Variants in KCNA2 observed in about 807,000 individuals in gnomAD.
The protein encoded by KCNA2 is potassium channel, voltage gated shaker related subfamily A, member 2.
KCNA2 carries 11 observed loss-of-function variants against 33.4 expected under a neutral mutation model. That is an observed-to-expected ratio of 0.33 (90% CI 0.21 to 0.55). The LOEUF (loss-of-function observed/expected upper bound fraction) is 0.55, where lower values mean the gene tolerates loss of function less well. KCNA2 is among the 20% of genes least tolerant of loss of function. KCNA2 has a pLI of 0.93. For synonymous variants in KCNA2, 222 were observed against 231.3 expected (o/e 0.96, Z 0.37); for missense variants, 291 against 621.6 (o/e 0.47, Z 5.66).
chr1:110,601,736 C>A lies in KCNA2; in HGVS notation c.*1547G>T. On this transcript the variant is annotated 3_prime_UTR_variant, in exon 3 of 3. Transcript: ENST00000316361. ...TAGGCCTCTTAGACAGCCAACCCACCAAGCAGTGGATTTGCTCCTGAACCT... is the reference window on the plus strand; with the variant it reads ...TAGGCCTCTTAGACAGCCAACCCACAAAGCAGTGGATTTGCTCCTGAACCT... 8.5e-7 allele frequency: 1 copy of A among 1,177,082 alleles called. No individual in the cohort carries two copies. Among genetic ancestry groups the A allele is most frequent in the Non-Finnish European group, 1.0e-6 (1 of 956,058 alleles). The allele number at this position is 1,177,082 out of a possible 1,614,324, so 72.9% of individuals were successfully genotyped here. A position where few individuals can be genotyped will look rare whatever the true frequency, so the allele number is the denominator to read the frequency against.
At position 110,598,537 on chromosome 1, in the gene KCNA2, A is replaced by C. The variant is rs1649199451; in HGVS notation, c.*4746T>G. ...TAATATAGTGAGAGATCCAGGAAGA[A>C]TAGGTAGAACAAGCTAGTCCTGGGC... On this transcript the variant is annotated 3_prime_UTR_variant, in exon 3 of 3. Transcript: ENST00000316361. 1.0e-6 allele frequency: 1 copy of C among 985,260 alleles called. No homozygotes were observed. The highest frequency in any genetic ancestry group is 1.2e-6 in the Non-Finnish European group (1 of 829,946). 61.0% of individuals were successfully genotyped at this position (985,260 alleles called of 1,614,324 possible).
rs1649467128 is a variant in KCNA2 at position 110,603,757 on chromosome 1, G to A, written c.1026C>T (p.Phe342=). Residue 342 remains phenylalanine, a synonymous_variant, in exon 3 of 3, where the codon TTC becomes TTT. Transcript: ENST00000316361. This position sits in a 1 kb window ranked among gnomAD's most constrained non-coding sequence, Gnocchi z 5.7. The stretch of plus-strand genomic sequence containing the variant: ...CCTCTGCAAAATACACAGCACTAGA[G>A]AAAAGGATGACCCCTATGAAGAGAA... ...IFFLFIGVIL[F]SSAVYFAEAD... The A allele has an allele frequency of 8.1e-6, 13 of 1,613,946 alleles. No homozygotes were observed. The highest frequency in any genetic ancestry group is 1.3e-5 in the African/African-American group (1 of 75,034).
chr1:110,627,970 G>A (rs1355452772), intron 1 of KCNA2, among the ~76,000 whole-genome samples: 9 of 152,184 alleles, frequency 5.9e-5, no homozygotes, highest in Non-Finnish European at 1.2e-4. Flanking sequence ...AATGCAATGC[G>A]GGAAACATAT....
rs765136247 is a variant in KCNA2 at position 110,604,829 on chromosome 1, G to C, written c.-47C>G. On this transcript the variant is annotated 5_prime_UTR_variant, in exon 3 of 3. Transcript: ENST00000316361. The surrounding 1 kb of genome is among the most constrained non-coding windows in gnomAD (Gnocchi z 7.6). ...CTCACGCTATGCCTTTCAGCTGCCT[G>C]GTGGCAGGGAGCTCAGGGTGCTGCT... is the stretch of plus-strand genomic sequence containing the variant. 1.2e-5 allele frequency: 18 copies of C among 1,540,722 alleles called. No individual in the cohort carries two copies. Among genetic ancestry groups the C allele is most frequent in the Admixed American group, 1.9e-5 (1 of 53,512 alleles).
upstream of KCNA2, chr1:110,606,767 G>C (rs1210489094): frequency 6.6e-6 from 1 of 152,298 alleles, no homozygotes; most frequent in East Asian, 1.9e-4. Context: ...TGCCGCCCCA[G>C]ATCTCAGCTT....
chr1:110,594,304 TATAC>T lies in KCNA2; in HGVS notation c.*8975_*8978del. ...CTCTCTCTCTCTCTCTATATATATA[TATAC>T]ATATATATATATATGTGTGTGTATA... On this transcript the variant is annotated 3_prime_UTR_variant, in exon 3 of 3. Coordinates refer to ENST00000316361, the MANE Select transcript of KCNA2 (RefSeq NM_004974.4). 2.2e-6 allele frequency: 2 copies of T among 911,830 alleles called. No individual in the cohort carries two copies. The highest frequency in any genetic ancestry group is 2.6e-6 in the Non-Finnish European group (2 of 769,450). 56.5% of individuals were successfully genotyped at this position (911,830 alleles called of 1,614,324 possible).
rs1206868903 is a variant in KCNA2 at position 110,595,056 on chromosome 1, G to C, written c.*8227C>G. 2 of 985,222 alleles carry C rather than the reference G, an allele frequency of 2.0e-6. No homozygotes were observed. The highest frequency in any genetic ancestry group is 1.2e-6 in the Non-Finnish European group (1 of 829,932). 61.0% of individuals were successfully genotyped at this position (985,222 alleles called of 1,614,324 possible). A position where few individuals can be genotyped will look rare whatever the true frequency, so the allele number is the denominator to read the frequency against. On this transcript the variant is annotated 3_prime_UTR_variant, in exon 3 of 3. Coordinates refer to ENST00000316361, the MANE Select transcript of KCNA2 (RefSeq NM_004974.4). ...AGGGAATCATTTTCAAGGAGAAGCA[G>C]GGCTTAGAGGCCTCTCACAGAGACT...
chr1:110,598,751 G>A lies in KCNA2; in HGVS notation c.*4532C>T, dbSNP rs1458337372. On this transcript the variant is annotated 3_prime_UTR_variant, in exon 3 of 3. Coordinates refer to ENST00000316361, the MANE Select transcript of KCNA2 (RefSeq NM_004974.4). ...CAGAAACACAGGTGAGAGGGACAGA[G>A]GCAAGCAGAGAAGAAGGAAGAGAGC... The A allele has an allele frequency of 1.0e-6, 1 of 985,222 alleles. No individual in the cohort carries two copies. Among genetic ancestry groups the A allele is most frequent in the East Asian group, 1.1e-4 (1 of 8,814 alleles). The allele number at this position is 985,222 out of a possible 1,614,324, so 61.0% of individuals were successfully genotyped here. A position where few individuals can be genotyped will look rare whatever the true frequency, so the allele number is the denominator to read the frequency against.
chr1:110,609,202 T>G (rs1195295280), upstream of KCNA2, among the ~76,000 whole-genome samples: 1 of 152,208 alleles, frequency 6.6e-6, no homozygotes, highest in East Asian at 1.9e-4. Flanking sequence ...CAGATAATCC[T>G]GTGTGGCCAA....
chr1:110,618,053 A>C (rs969565809), intron 1 of KCNA2, among the ~76,000 whole-genome samples: 2 of 152,206 alleles, frequency 1.3e-5, no homozygotes, highest in Non-Finnish European at 2.9e-5. Flanking sequence ...TGAGAAGAGC[A>C]GAGAGGGCCT....
intron 1 of KCNA2, among the ~76,000 whole-genome samples, chr1:110,615,345 C>T (rs1035347769): frequency 4.6e-5 from 7 of 152,224 alleles, no homozygotes; most frequent in African/African-American, 1.4e-4. Context: ...CTTGTGTGGA[C>T]AGGCAGTGGG....
chr1:110,608,593 G>C (rs1185978231), upstream of KCNA2, among the ~76,000 whole-genome samples: 1 of 152,180 alleles, frequency 6.6e-6, no homozygotes, highest in African/African-American at 2.4e-5. Context: ...AGCCTGCCTA[G>C]AGCTGCAGGG....
chr1:110,599,878 C>A lies in KCNA2; in HGVS notation c.*3405G>T. The A allele has an allele frequency of 1.0e-6, 1 of 985,360 alleles. No homozygotes were observed. Among genetic ancestry groups the A allele is most frequent in the South Asian group, 4.7e-5 (1 of 21,276 alleles). 61.0% of individuals were successfully genotyped at this position (985,360 alleles called of 1,614,324 possible). ...GGCAAGGAGGCCTATATTAGGCTAC[C>A]AGCTGTCCCAGGTACTTTCACACCC... On this transcript the variant is annotated 3_prime_UTR_variant, in exon 3 of 3. Transcript: ENST00000316361.
Position 110,598,392 on chromosome 1 carries a change from T to C in KCNA2, c.*4891A>G, listed in dbSNP as rs1360244680. 3.0e-6 allele frequency: 3 copies of C among 985,182 alleles called. No individual in the cohort carries two copies. The highest frequency in any genetic ancestry group is 3.6e-6 in the Non-Finnish European group (3 of 829,894). 61.0% of individuals were successfully genotyped at this position (985,182 alleles called of 1,614,324 possible). On this transcript the variant is annotated 3_prime_UTR_variant, in exon 3 of 3. Transcript: ENST00000316361. ...TTTGCACACTGTTCTATAGTTTCCT[T>C]AGGGGGGAGTCAGCCTCTGTGACTC...
At chr1:110,627,735 T>C (rs1650436498) in intron 1 of KCNA2, among the ~76,000 whole-genome samples, 1 of 151,874 alleles carries the variant, frequency 6.6e-6, no homozygotes, top group Admixed American at 6.6e-5. Flanking sequence ...ATAAAAAATG[T>C]TAATACAACC....
chr1:110,593,808 AG>A lies in KCNA2; in HGVS notation c.*9474del. On this transcript the variant is annotated 3_prime_UTR_variant, in exon 3 of 3. Coordinates refer to ENST00000316361, the MANE Select transcript of KCNA2 (RefSeq NM_004974.4). ...TACAAATATCAGACCCTACTGACAC[AG>A]GAACTCTCAGCTGCAGAAGTCCTGG... The A allele has an allele frequency of 6.6e-6, 10 of 1,516,698 alleles. No individual in the cohort carries two copies. The highest frequency in any genetic ancestry group is 8.0e-6 in the Non-Finnish European group (9 of 1,120,724). The allele number at this position is 1,516,698 out of a possible 1,614,324, so 94.0% of individuals were successfully genotyped here.
In KCNA2 at chr1:110,599,607, G is replaced by A. The variant is rs948442948; in HGVS notation, c.*3676C>T. ...TCATTTTAAGAGACAGGTCTCTATA[G>A]GGTCTCAACTTCCTGACCGTGCCCC... is the stretch of plus-strand genomic sequence containing the variant. On this transcript the variant is annotated 3_prime_UTR_variant, in exon 3 of 3. Coordinates refer to ENST00000316361, the MANE Select transcript of KCNA2 (RefSeq NM_004974.4). 6 of 985,308 alleles carry A rather than the reference G, an allele frequency of 6.1e-6. No individual in the cohort carries two copies. The Admixed American group carries it at 3.7e-4, about 61-fold the overall frequency. 61.0% of individuals were successfully genotyped at this position (985,308 alleles called of 1,614,324 possible).
rs4839536 is a variant in KCNA2, at chr1:110,603,099, A to C, written c.*184T>G. 7.0e-7 allele frequency: 1 copy of C among 1,419,378 alleles called. No homozygotes were observed. Among genetic ancestry groups the C allele is most frequent in the Non-Finnish European group, 9.1e-7 (1 of 1,093,260 alleles). 87.9% of individuals were successfully genotyped at this position (1,419,378 alleles called of 1,614,324 possible). On this transcript the variant is annotated 3_prime_UTR_variant, in exon 3 of 3. Coordinates refer to ENST00000316361, the MANE Select transcript of KCNA2 (RefSeq NM_004974.4). The surrounding 1 kb of genome is among the most constrained non-coding windows in gnomAD (Gnocchi z 5.7). ...TCATAAGCCGGTGATGAGGATGTGCATGAAAGCCATGATAGATATTCTGTG... is the reference window on the plus strand; with the variant it reads ...TCATAAGCCGGTGATGAGGATGTGCCTGAAAGCCATGATAGATATTCTGTG...
Position 110,598,498 on chromosome 1 carries a change from T to TA in KCNA2, c.*4784dup, listed in dbSNP as rs1649197910. On this transcript the variant is annotated 3_prime_UTR_variant, in exon 3 of 3. Transcript: ENST00000316361. ...CTCTCTCCACATGGGTTGATACTGA[T>TA]AGAGTCCTCACTATAATATAGTGAG... The TA allele has an allele frequency of 2.0e-6, 2 of 985,224 alleles. No homozygotes were observed. The highest frequency in any genetic ancestry group is 1.2e-6 in the Non-Finnish European group (1 of 829,934). 61.0% of individuals were successfully genotyped at this position (985,224 alleles called of 1,614,324 possible). A position where few individuals can be genotyped will look rare whatever the true frequency, so the allele number is the denominator to read the frequency against.
Sources: allele counts gnomAD v4.1 joint callset (sites outside exome capture counted in the v4.1 genomes callset), GRCh38; gene constraint gnomAD v4.1.1; non-coding constraint Gnocchi (gnomAD v3.1); transcripts MANE v1.5; gene names NCBI Gene and HGNC (gene_info 2026-07-23, HGNC 2026-07-21).